Variants in NOL10 observed in about 807,000 individuals in gnomAD.
The protein encoded by NOL10 is H_NH0074G24.1.
In NOL10, 58 loss-of-function variants were observed where a neutral mutation model predicts 103.5. That is an observed-to-expected ratio of 0.56 (90% CI 0.45 to 0.70). The LOEUF (loss-of-function observed/expected upper bound fraction) is 0.70. Among genes scored for constraint, NOL10 ranks in the 30% least tolerant of loss-of-function variants. The probability of loss-of-function intolerance (pLI) is 0.00; values close to 1 mark genes in which losing one functional copy is unlikely to be tolerated. For synonymous variants in NOL10, 287 were observed against 282.5 expected, an observed-to-expected ratio of 1.02 and a Z score of -0.16; for missense variants, 763 against 807.3, an observed-to-expected ratio of 0.95 and a Z score of 0.67.
At chr2:10,684,491 T>C (rs1012296433) in intron 2 of NOL10, 76 bp downstream of exon 2, 12 of 1,142,024 alleles carry the variant, frequency 1.1e-5, no homozygotes, top group African/African-American at 7.8e-5. Context: ...TCCTCACTTA[T>C]ATATAACAGC....
chr2:10,589,518 C>A (rs914725044), intron 18 of NOL10, 60 bp downstream of exon 18: 2 of 1,359,276 alleles, frequency 1.5e-6, no homozygotes, highest in African/African-American at 2.9e-5. Flanking sequence ...TTCTAACTTA[C>A]AAAGAAAACA....
At chr2:10,634,958 GGAAAAGCAATACA>G (rs1678103662) in intron 13 of NOL10, among the ~76,000 whole-genome samples, 1 of 152,182 alleles carries the variant, frequency 6.6e-6, no homozygotes, top group Non-Finnish European at 1.5e-5. Context: ...CGTCTGTCCA[GGAAAAGCAATACA>G]GGCTGAGTAG....
Position 10,619,133 on chromosome 2 carries a change from GTATGTAGGTATGTATGTATT to G in NOL10, c.1027-11842_1027-11823del, listed in dbSNP as rs1409879417. Among the ~76,000 whole-genome samples, 4 of 152,138 alleles carry G rather than the reference GTATGTAGGTATGTATGTATT, an allele frequency of 2.6e-5. No individual in the cohort carries two copies. The East Asian group carries it at 7.7e-4, about 29-fold the overall frequency. On this transcript the variant is annotated intron_variant, in intron 13 of 20. Transcript: ENST00000381685. ...ACTTTCAAATGAACCACTGTAGTAT[GTATGTAGGTATGTATGTATT>G]TATGTATTTATGAGACAGAGTCTTG...
At chr2:10,627,546 G>C (rs1677546884) in intron 13 of NOL10, among the ~76,000 whole-genome samples, 1 of 151,956 alleles carries the variant, frequency 6.6e-6, no homozygotes, top group South Asian at 2.1e-4. Flanking sequence ...GTGGTGGCGG[G>C]TGCCTGTAGT....
chr2:10,599,474 G>C (rs959620806), intron 17 of NOL10, among the ~76,000 whole-genome samples: 1 of 152,176 alleles, frequency 6.6e-6, no homozygotes, highest in Admixed American at 6.5e-5. Flanking sequence ...AACACTTAAA[G>C]ATATATATAT....
chr2:10,665,710 A>G (rs1054777523), intron 8 of NOL10, among the ~76,000 whole-genome samples: 3 of 152,052 alleles, frequency 2.0e-5, no homozygotes. Context: ...CCTAAAAACT[A>G]TTTTCTCAGG....
At chr2:10,612,749 C>T (rs1051724885) in intron 13 of NOL10, among the ~76,000 whole-genome samples, 1 of 152,108 alleles carries the variant, frequency 6.6e-6, no homozygotes, top group Non-Finnish European at 1.5e-5. Context: ...GGTGATCTGC[C>T]CATCTTGGCC....
chr2:10,580,919 C>T (rs1019680520), intron 19 of NOL10, among the ~76,000 whole-genome samples: 3 of 151,946 alleles, frequency 2.0e-5, no homozygotes, highest in African/African-American at 7.3e-5. Flanking sequence ...TAGTCTACAC[C>T]GGAGGGAATA....
chr2:10,670,830 C>T (rs1295156811), intron 6 of NOL10, among the ~76,000 whole-genome samples: 2 of 152,136 alleles, frequency 1.3e-5, no homozygotes, highest in Non-Finnish European at 2.9e-5. Context: ...TGACATCTGT[C>T]CTAATTAGTT....
intron 17 of NOL10, among the ~76,000 whole-genome samples, chr2:10,597,561 A>G (rs905596840): frequency 6.6e-6 from 1 of 152,366 alleles, no homozygotes; most frequent in Non-Finnish European, 1.5e-5. Flanking sequence ...TTCACTTTAC[A>G]TAAGATGAAA....
chr2:10,621,204 C>T lies in NOL10; in HGVS notation c.1027-13893G>A, dbSNP rs1677126549. Among the ~76,000 whole-genome samples the T allele has an allele frequency of 1.3e-5, 2 of 152,092 alleles. 1 individual carries two copies. Among genetic ancestry groups the T allele is most frequent in the South Asian group, 4.1e-4 (2 of 4,822 alleles). ...AGCTTTATTTAAAAAAAACCATACA[C>T]ATAACGAAATCTTTAAACTCATAAG... On this transcript the variant is annotated intron_variant, in intron 13 of 20. Coordinates refer to ENST00000381685, the MANE Select transcript of NOL10 (RefSeq NM_024894.4).
At chr2:10,621,499 T>A (rs1187183686) in intron 13 of NOL10, among the ~76,000 whole-genome samples, 3 of 152,082 alleles carry the variant, frequency 2.0e-5, no homozygotes, top group Non-Finnish European at 4.4e-5. Flanking sequence ...GAGACTGAGG[T>A]TGGGGAATCA....
At chr2:10,639,064 A>G (rs1471944928) in intron 13 of NOL10, among the ~76,000 whole-genome samples, 2 of 150,324 alleles carry the variant, frequency 1.3e-5, no homozygotes, top group African/African-American at 2.4e-5. Flanking sequence ...CAGCCTCCCA[A>G]AGTGCTAGGA....
chr2:10,652,760 A>G (rs1182548073), intron 12 of NOL10, among the ~76,000 whole-genome samples: 2 of 152,104 alleles, frequency 1.3e-5, no homozygotes, highest in African/African-American at 4.8e-5. Context: ...CACTTCTGGG[A>G]TAATCGCAAA....
intron 11 of NOL10, among the ~76,000 whole-genome samples, chr2:10,655,391 G>T (rs901892178): frequency 6.6e-6 from 1 of 152,156 alleles, no homozygotes; most frequent in Non-Finnish European, 1.5e-5. Flanking sequence ...TGCCTGCACC[G>T]CAAGGTTTCG....
rs557120149 is a variant in NOL10 at position 10,608,238 on chromosome 2, A to C, written c.1027-927T>G. Among the ~76,000 whole-genome samples, 3 of 152,324 alleles carry C rather than the reference A, an allele frequency of 2.0e-5. No homozygotes were observed. In the South Asian group the frequency reaches 6.2e-4, roughly 32 times the overall value. ...ATAAGTCTTCAAAACTAAATGGGTG[A>C]CCAGGCTCCACGAGTTATCCCAATG... On this transcript the variant is annotated intron_variant, in intron 13 of 20. Coordinates refer to ENST00000381685, the MANE Select transcript of NOL10 (RefSeq NM_024894.4).
At chr2:10,653,543 G>A (rs1454257988) in intron 12 of NOL10, among the ~76,000 whole-genome samples, 2 of 152,098 alleles carry the variant, frequency 1.3e-5, no homozygotes, top group African/African-American at 2.4e-5. Context: ...GACAGCACAC[G>A]GAGCCCAAGA....
intron 13 of NOL10, among the ~76,000 whole-genome samples, chr2:10,642,494 CTT>C (rs985425899): frequency 1.3e-5 from 2 of 152,100 alleles, no homozygotes; most frequent in African/African-American, 4.8e-5. Context: ...GCTTACAACT[CTT>C]GTCAGGACTC....
At chr2:10,666,678 G>C (rs1380523592) in intron 8 of NOL10, among the ~76,000 whole-genome samples, 2 of 141,150 alleles carry the variant, frequency 1.4e-5, no homozygotes, top group Admixed American at 1.5e-4. Context: ...GTACCAATAA[G>C]ATGTATATTA....
Sources: allele counts gnomAD v4.1 joint callset (sites outside exome capture counted in the v4.1 genomes callset), GRCh38; gene constraint gnomAD v4.1.1; transcripts MANE v1.5; gene names NCBI Gene and HGNC (gene_info 2026-07-23, HGNC 2026-07-21).